The following SFMBT2 variants were observed in gnomAD, a reference collection of about 807,000 sequenced individuals.
SFMBT2 encodes the protein scm-like with four MBT domains protein 2.
A neutral mutation model predicts 110.1 loss-of-function variants in SFMBT2; 38 were observed. That is an observed-to-expected ratio of 0.35 (90% CI 0.27 to 0.45). The LOEUF is 0.45. Among genes scored for constraint, SFMBT2 ranks in the 20% least tolerant of loss-of-function variants. The pLI is 1.00. For missense variants in SFMBT2, 1,011 were observed against 1,094.9 expected (o/e 0.92, Z 1.08); for synonymous variants, 425 against 425.4 (o/e 1.00, Z 0.01).
chr10:7,308,923 C>T (rs1313108254), intron 4 of SFMBT2, among the ~76,000 whole-genome samples: 1 of 152,166 alleles, frequency 6.6e-6, no homozygotes, highest in Non-Finnish European at 1.5e-5. Flanking sequence ...TGAGCAAAGA[C>T]ACTTACGCAC....
chr10:7,397,453 T>G (rs1845957274), intron 1 of SFMBT2, among the ~76,000 whole-genome samples: 1 of 152,104 alleles, frequency 6.6e-6, no homozygotes, highest in African/African-American at 2.4e-5. Flanking sequence ...GAAAAGCTTG[T>G]GAAATTCCAG....
At chr10:7,318,400 A>AT (rs967936729) in intron 4 of SFMBT2, among the ~76,000 whole-genome samples, 5 of 151,530 alleles carry the variant, frequency 3.3e-5, no homozygotes, top group African/African-American at 7.3e-5. Context: ...TAAAAGCATG[A>AT]TTTTTTTTTC....
chr10:7,260,476 G>A (rs1841158024), intron 7 of SFMBT2, among the ~76,000 whole-genome samples: 1 of 152,190 alleles, frequency 6.6e-6, no homozygotes, highest in Non-Finnish European at 1.5e-5. Context: ...CAAGATGGCT[G>A]CAGAAACTCC....
intron 4 of SFMBT2, among the ~76,000 whole-genome samples, chr10:7,328,342 A>G (rs539460333): frequency 6.6e-6 from 1 of 152,136 alleles, no homozygotes; most frequent in East Asian, 1.9e-4. Flanking sequence ...GAGTTTTAAG[A>G]GTCCATTTTA....
chr10:7,176,447 G>A (rs1202433857), intron 16 of SFMBT2: 9 of 982,060 alleles, frequency 9.2e-6, no homozygotes, highest in Non-Finnish European at 9.7e-6. Context: ...TCATACCAAA[G>A]ATGAGCGGTG....
chr10:7,329,623 G>A (rs1843505907), intron 4 of SFMBT2: 6 of 507,702 alleles, frequency 1.2e-5, no homozygotes, highest in Non-Finnish European at 1.5e-5. Flanking sequence ...AATCCAGATG[G>A]AACACAGCAA....
intron 4 of SFMBT2, among the ~76,000 whole-genome samples, chr10:7,309,031 C>T (rs1842773723): frequency 6.6e-6 from 1 of 152,190 alleles, no homozygotes; most frequent in Non-Finnish European, 1.5e-5. Context: ...CTTGACTGGA[C>T]CACGAGGTGC....
At position 7,205,902 on chromosome 10, in the gene SFMBT2, T is replaced by C. The variant is rs1373557085; in HGVS notation, c.1357A>G (p.Ile453Val). ...ATGTCCATGGATTCCACATCAACAA[T>C]GACCTCTGGAACAGGAGTCTGCAGC... Reference protein sequence around the residue: ...EGLQTPVPEVIVDVESMDIFP... With the variant: ...EGLQTPVPEVVVDVESMDIFP... The change falls in exon 12 of 21, where the codon ATT (isoleucine) becomes GTT (valine). Residue 453 changes from isoleucine to valine, a missense_variant. By Grantham distance (29) the Ile-to-Val change is conservative. This residue lies in a region of SFMBT2 where 979 missense variants were observed against 1,016.1 expected (regional missense o/e 0.96). Coordinates refer to ENST00000397167, the MANE Select transcript of SFMBT2 (RefSeq NM_001387889.1). 1.2e-6 allele frequency: 2 copies of C among 1,613,984 alleles called. No homozygotes were observed. Among genetic ancestry groups the C allele is most frequent in the Admixed American group, 3.3e-5 (2 of 59,994 alleles).
At chr10:7,349,048 A>C (rs1341965027) in intron 4 of SFMBT2, among the ~76,000 whole-genome samples, 1 of 151,936 alleles carries the variant, frequency 6.6e-6, no homozygotes, top group Non-Finnish European at 1.5e-5. Flanking sequence ...CACCTCTCTG[A>C]CTCCGCTTTC....
At chr10:7,360,530 C>T (rs1844683492) in intron 4 of SFMBT2, among the ~76,000 whole-genome samples, 1 of 151,958 alleles carries the variant, frequency 6.6e-6, no homozygotes, top group Non-Finnish European at 1.5e-5. Flanking sequence ...CAAATACAAA[C>T]ACCAAACACG....
chr10:7,208,423 C>T (rs1411628293), intron 11 of SFMBT2, among the ~76,000 whole-genome samples: 1 of 152,120 alleles, frequency 6.6e-6, no homozygotes, highest in Non-Finnish European at 1.5e-5. Context: ...CAAAAGGAAG[C>T]ATAACAGTAA....
intron 9 of SFMBT2, among the ~76,000 whole-genome samples, chr10:7,229,291 T>C (rs931341518): frequency 8.6e-5 from 13 of 152,042 alleles, no homozygotes; most frequent in African/African-American, 3.1e-4. Flanking sequence ...TTAAAGAAAC[T>C]CAACATAGGC....
chr10:7,381,278 C>A (rs1291902192), intron 2 of SFMBT2, among the ~76,000 whole-genome samples: 1 of 152,260 alleles, frequency 6.6e-6, no homozygotes, highest in East Asian at 1.9e-4. Flanking sequence ...GCTGTATCAT[C>A]GGCATCTACT....
At chr10:7,360,793 T>C (rs1443836933) in intron 4 of SFMBT2, among the ~76,000 whole-genome samples, 1 of 152,214 alleles carries the variant, frequency 6.6e-6, no homozygotes, top group Non-Finnish European at 1.5e-5. Flanking sequence ...ACAGACTCTC[T>C]ACTTGATCAG....
At chr10:7,221,881 T>A (rs778592128) in intron 10 of SFMBT2, among the ~76,000 whole-genome samples, 2 of 152,188 alleles carry the variant, frequency 1.3e-5, no homozygotes, top group African/African-American at 4.8e-5. Context: ...CACAGAACCA[T>A]CCCTTCACCC....
intron 1 of SFMBT2, among the ~76,000 whole-genome samples, chr10:7,384,238 A>AAAAAAAC (rs1554812962): frequency 6.9e-6 from 1 of 145,412 alleles, no homozygotes; most frequent in Non-Finnish European, 1.5e-5. Context: ...AAAAAAAAAA[A>AAAAAAAC]CAACCACAGA....
At chr10:7,298,346 A>T (rs1242269356) in intron 4 of SFMBT2, among the ~76,000 whole-genome samples, 1 of 152,130 alleles carries the variant, frequency 6.6e-6, no homozygotes, top group Admixed American at 6.5e-5. Context: ...TGTGCACGTG[A>T]TCTAGTCCAA....
chr10:7,252,493 T>G (rs922151242), intron 7 of SFMBT2, among the ~76,000 whole-genome samples: 5 of 152,206 alleles, frequency 3.3e-5, no homozygotes, highest in Admixed American at 3.3e-4. Flanking sequence ...CTTCCTTTTC[T>G]CCCAGAGTGT....
At chr10:7,168,847 G>C (rs925067248) in intron 20 of SFMBT2, among the ~76,000 whole-genome samples, 4 of 152,156 alleles carry the variant, frequency 2.6e-5, no homozygotes, top group Non-Finnish European at 5.9e-5. Context: ...AGGTTCTTTA[G>C]GTCTAAGGAA....
Sources: allele counts gnomAD v4.1 joint callset (sites outside exome capture counted in the v4.1 genomes callset), GRCh38; gene constraint gnomAD v4.1.1; regional missense constraint gnomAD v4.1.1; transcripts MANE v1.5; gene names NCBI Gene and HGNC (gene_info 2026-07-23, HGNC 2026-07-21).